Variants in KATNAL1 observed in about 807,000 individuals in gnomAD.
KATNAL1 encodes katanin p60 ATPase-containing subunit A-like 1.
Under a neutral mutation model 55.2 loss-of-function variants are expected in KATNAL1, and 32 were observed. The observed-to-expected ratio is 0.58, with a 90% CI of 0.44 to 0.78. The LOEUF (loss-of-function observed/expected upper bound fraction) is 0.78. KATNAL1 is among the 30% of genes least tolerant of loss of function. The pLI is 0.00. For missense variants in KATNAL1, 466 were observed against 600.9 expected, an observed-to-expected ratio of 0.78 and a Z score of 2.35; for synonymous variants, 193 against 193.6, an observed-to-expected ratio of 1.00 and a Z score of 0.02.
rs575207315 is a variant in KATNAL1 at position 30,209,140 on chromosome 13, A to T, written c.1275-402T>A. On this transcript the variant is annotated intron_variant, in intron 10 of 10. Coordinates refer to ENST00000380615, the MANE Select transcript of KATNAL1 (RefSeq NM_032116.5). Reference sequence around the variant, plus strand: ...ACCAGTTTGTCTACAGCCTAAATAGAGGAATAAAGACACGAATCACTCCCT... The same window carrying T: ...ACCAGTTTGTCTACAGCCTAAATAGTGGAATAAAGACACGAATCACTCCCT... Among the ~76,000 whole-genome samples the T allele has an allele frequency of 3.3e-5, 5 of 152,328 alleles. No homozygotes were observed. In the East Asian group the frequency reaches 9.6e-4, roughly 29 times the overall value.
At chr13:30,290,669 A>G (rs1362560935) in intron 1 of KATNAL1, among the ~76,000 whole-genome samples, 4 of 152,210 alleles carry the variant, frequency 2.6e-5, no homozygotes, top group African/African-American at 9.7e-5. Context: ...ATATCCCTTA[A>G]AAACATAGAT....
At chr13:30,222,146 G>T (rs1233893413) in intron 9 of KATNAL1, among the ~76,000 whole-genome samples, 2 of 152,206 alleles carry the variant, frequency 1.3e-5, no homozygotes, top group Non-Finnish European at 2.9e-5. Context: ...TTTGAGTAAA[G>T]CAGATTGCCC....
At chr13:30,230,780 G>C (rs1051726249) in intron 7 of KATNAL1, among the ~76,000 whole-genome samples, 186 bp from the exon 8 acceptor site, 2 of 152,064 alleles carry the variant, frequency 1.3e-5, no homozygotes, top group African/African-American at 4.8e-5. Flanking sequence ...TAAAAATAAA[G>C]GTTATATGGC....
intron 3 of KATNAL1, among the ~76,000 whole-genome samples, chr13:30,260,590 C>T (rs1467781279): frequency 6.6e-6 from 1 of 151,736 alleles, no homozygotes; most frequent in Admixed American, 6.6e-5. Context: ...CCTCAGGAGC[C>T]GATGAGATCA....
chr13:30,282,499 A>G (rs569618534), intron 2 of KATNAL1, among the ~76,000 whole-genome samples: 20 of 152,168 alleles, frequency 1.3e-4, no homozygotes, highest in African/African-American at 4.3e-4. Context: ...TTTGCTGGAC[A>G]TGGTGGTGTG....
At chr13:30,278,277 GA>G (rs201049063) in intron 3 of KATNAL1, among the ~76,000 whole-genome samples, 24 of 144,068 alleles carry the variant, frequency 1.7e-4, no homozygotes, top group African/African-American at 5.9e-4. Flanking sequence ...ATCCAAAGAG[GA>G]AAAAAAAAAC....
Position 30,227,448 on chromosome 13 carries a change from T to C in KATNAL1, c.1111A>G (p.Arg371Gly). The change falls in exon 9 of 11, where the codon AGG becomes GGG. Residue 371 changes from arginine to glycine, a missense_variant. Physicochemically the swap from Arg to Gly is moderately radical, Grantham distance 125. Coordinates refer to ENST00000380615, the MANE Select transcript of KATNAL1 (RefSeq NM_032116.5). ...GGTATATATATCCTTTTTTCTAACC[T>C]TCTTCGCAAAGCTTCATCAATGTCC... ...PWDIDEALRR[R>G]LEKRIYIPLP... 6.2e-7 allele frequency: 1 copy of C among 1,614,058 alleles called. No homozygotes were observed. The highest frequency in any genetic ancestry group is 8.5e-7 in the Non-Finnish European group (1 of 1,179,938).
At chr13:30,274,905 G>GCGCACA (rs1440870690) in intron 3 of KATNAL1, among the ~76,000 whole-genome samples, 1 of 84,348 alleles carries the variant, frequency 1.2e-5, no homozygotes, top group Admixed American at 1.2e-4. Context: ...GCGCGCGCGC[G>GCGCACA]CGCACACACA....
chr13:30,220,373 ATTGC>A (rs1171960693), intron 9 of KATNAL1, among the ~76,000 whole-genome samples: 1 of 152,064 alleles, frequency 6.6e-6, no homozygotes, highest in African/African-American at 2.4e-5. Context: ...AGGCAGGAGA[ATTGC>A]TTGAATGCGG....
At position 30,231,486 on chromosome 13, in the gene KATNAL1, A is replaced by G. The variant is rs2137397554; in HGVS notation, c.727-14T>C. The G allele has an allele frequency of 6.7e-7, 1 of 1,494,426 alleles. No homozygotes were observed. Among genetic ancestry groups the G allele is most frequent in the African/African-American group, 1.4e-5 (1 of 70,886 alleles). The allele number at this position is 1,494,426 out of a possible 1,614,324, so 92.6% of individuals were successfully genotyped here. A position where few individuals can be genotyped will look rare whatever the true frequency, so the allele number is the denominator to read the frequency against. ...CATCAGTACACCCTGAAATTTCAAAAGACAAATTAAATGATTTATCAGATT... is the reference window on the plus strand; with the variant it reads ...CATCAGTACACCCTGAAATTTCAAAGGACAAATTAAATGATTTATCAGATT... On this transcript the variant is annotated splice_polypyrimidine_tract_variant and intron_variant, in intron 6 of 10. Transcript: ENST00000380615.
chr13:30,306,601 C>T (rs183081992), intron 1 of KATNAL1: 1 of 152,332 alleles, frequency 6.6e-6, no homozygotes, highest in East Asian at 1.9e-4. Context: ...TTAAACATTA[C>T]TGCCCTTTGA....
intron 4 of KATNAL1, among the ~76,000 whole-genome samples, chr13:30,246,004 T>C (rs553118890): frequency 6.6e-6 from 1 of 152,270 alleles, no homozygotes; most frequent in African/African-American, 2.4e-5. Context: ...GCTATCCCCA[T>C]TAGCTACCAT....
At chr13:30,306,023 A>C (rs1398723760) in intron 1 of KATNAL1, among the ~76,000 whole-genome samples, 1 of 152,088 alleles carries the variant, frequency 6.6e-6, no homozygotes, top group Admixed American at 6.6e-5. Flanking sequence ...TAATTAAGAG[A>C]AAGTTTTATA....
At chr13:30,238,023 C>T (rs1340527074) in intron 6 of KATNAL1, among the ~76,000 whole-genome samples, 1 of 152,200 alleles carries the variant, frequency 6.6e-6, no homozygotes, top group Non-Finnish European at 1.5e-5. Flanking sequence ...GCCTAAACTA[C>T]TGCCAATCAC....
chr13:30,207,231 CA>C lies in KATNAL1; in HGVS notation c.*1308del, dbSNP rs1360122238. 1.3e-5 allele frequency: 2 copies of C among 152,154 alleles called. No individual in the cohort carries two copies. Among genetic ancestry groups the C allele is most frequent in the Admixed American group, 1.3e-4 (2 of 15,268 alleles). The allele number at this position is 152,154 out of a possible 1,614,324, so 9.4% of individuals were successfully genotyped here. A position where few individuals can be genotyped will look rare whatever the true frequency, so the allele number is the denominator to read the frequency against. On this transcript the variant is annotated 3_prime_UTR_variant, in exon 11 of 11. Transcript: ENST00000380615. ...CACATGTAATCATAAAAACTAACGC[CA>C]GGATCATTTACTTGTGATTGGATAT...
intron 4 of KATNAL1, among the ~76,000 whole-genome samples, chr13:30,252,346 A>G (rs1878397454): frequency 1.3e-5 from 2 of 152,224 alleles, no homozygotes. Context: ...TAGTTGTTCC[A>G]TCATACAGTT....
intron 9 of KATNAL1, among the ~76,000 whole-genome samples, chr13:30,217,223 C>T (rs972163415): frequency 5.3e-5 from 8 of 152,210 alleles, no homozygotes; most frequent in South Asian, 4.1e-4. Context: ...GAGGCCGAGG[C>T]GGGAGGATCA....
chr13:30,243,565 T>C (rs1877477287), intron 4 of KATNAL1, among the ~76,000 whole-genome samples: 2 of 139,370 alleles, frequency 1.4e-5, no homozygotes, highest in South Asian at 4.5e-4. Flanking sequence ...AGAAGTAAAT[T>C]CTAATGGGGC....
chr13:30,211,185 TTTC>T (rs1326448443), intron 9 of KATNAL1, among the ~76,000 whole-genome samples: 2 of 152,186 alleles, frequency 1.3e-5, no homozygotes, highest in African/African-American at 4.8e-5. Context: ...GAAATTTAAT[TTTC>T]TTCTACTTTT....
Sources: allele counts gnomAD v4.1 joint callset (sites outside exome capture counted in the v4.1 genomes callset), GRCh38; gene constraint gnomAD v4.1.1; transcripts MANE v1.5; gene names NCBI Gene and HGNC (gene_info 2026-07-23, HGNC 2026-07-21).